Variants in LOXL2 observed in about 807,000 individuals in gnomAD.
LOXL2 encodes lysyl oxidase like 2.
Under a neutral mutation model 93.0 loss-of-function variants are expected in LOXL2, and 70 were observed. The ratio of observed to expected loss-of-function variants is 0.75; its 90% CI spans 0.62 to 0.92. The LOEUF is 0.92. LOXL2 is among the 40% of genes least tolerant of loss of function. LOXL2 has a pLI of 0.00. For missense variants in LOXL2, 973 were observed against 1,054.9 expected, an observed-to-expected ratio of 0.92 and a Z score of 1.08; for synonymous variants, 438 against 413.2, an observed-to-expected ratio of 1.06 and a Z score of -0.73.
At chr8:23,402,227 C>T (rs1043517719) in intron 1 of LOXL2, among the ~76,000 whole-genome samples, 1 of 145,472 alleles carries the variant, frequency 6.9e-6, no homozygotes, top group Non-Finnish European at 1.5e-5. Context: ...AAACACACAC[C>T]GGTGCACACA....
intron 3 of LOXL2, among the ~76,000 whole-genome samples, chr8:23,352,258 G>C (rs1343160868): frequency 6.6e-6 from 1 of 152,178 alleles, no homozygotes; most frequent in Non-Finnish European, 1.5e-5. Context: ...TTGTGCCCTT[G>C]CTGAAAAGTC....
At chr8:23,333,216 G>T (rs1218391548) in intron 5 of LOXL2, among the ~76,000 whole-genome samples, 185 bp downstream of exon 5, 3 of 152,118 alleles carry the variant, frequency 2.0e-5, no homozygotes, top group Admixed American at 1.3e-4. Context: ...TGATGCTGGG[G>T]TATTCTTCTC....
At chr8:23,352,775 T>A (rs1327189008) in intron 3 of LOXL2, among the ~76,000 whole-genome samples, 2 of 151,686 alleles carry the variant, frequency 1.3e-5, no homozygotes, top group East Asian at 3.9e-4. Context: ...TCCCCTTGGG[T>A]GGAAAGAAAT....
chr8:23,318,185 A>AG lies in LOXL2; in HGVS notation c.1471-1072_1471-1071insC, dbSNP rs1480657870. 5.6e-3 allele frequency among the ~76,000 whole-genome samples: 449 copies of AG among 79,956 alleles called. 11 individuals carry two copies. Among genetic ancestry groups the AG allele is most frequent in the Non-Finnish European group, 2.4e-3 (76 of 32,322 alleles). 52.5% of individuals were successfully genotyped at this position (79,956 alleles called of 152,430 possible). ...AGGATCTTAAGGGGTAAAAAAAAAA[A>AG]AAACCCAAAAAACCTGAGGCCTCCC... is the stretch of plus-strand genomic sequence containing the variant. On this transcript the variant is annotated intron_variant, in intron 8 of 13. Transcript: ENST00000389131.
chr8:23,322,861 A>G (rs1803517730), intron 6 of LOXL2, among the ~76,000 whole-genome samples: 1 of 152,204 alleles, frequency 6.6e-6, no homozygotes, highest in African/African-American at 2.4e-5. Flanking sequence ...TGAGGATTCA[A>G]AGATGGGTAA....
rs996030332 is a variant in LOXL2 at position 23,328,746 on chromosome 8, T to C, written c.967-181A>G. 77 of 601,192 alleles carry C rather than the reference T, an allele frequency of 1.3e-4. No individual in the cohort carries two copies. In the African/African-American group the frequency reaches 1.4e-3, roughly 11 times the overall value. The allele number at this position is 601,192 out of a possible 1,614,324, so 37.2% of individuals were successfully genotyped here. Reference sequence around the variant, plus strand: ...GTGTGTGTGTGTGTGTGTGTGTGTGTCGTGGGTGTGTTGGGGTGTGGGAGC... The same window carrying C: ...GTGTGTGTGTGTGTGTGTGTGTGTGCCGTGGGTGTGTTGGGGTGTGGGAGC... On this transcript the variant is annotated intron_variant, in intron 5 of 13. Coordinates refer to ENST00000389131, the MANE Select transcript of LOXL2 (RefSeq NM_002318.3).
chr8:23,392,634 C>T (rs1270337730), intron 1 of LOXL2, among the ~76,000 whole-genome samples: 2 of 152,196 alleles, frequency 1.3e-5, no homozygotes, highest in African/African-American at 4.8e-5. Flanking sequence ...TTTAGCATGA[C>T]ACAAACTAGC....
At chr8:23,299,613 G>A (rs767864524) in intron 12 of LOXL2, among the ~76,000 whole-genome samples, 11 of 152,194 alleles carry the variant, frequency 7.2e-5, no homozygotes, top group Non-Finnish European at 1.3e-4. Context: ...AAAAGGGGAG[G>A]TTTACGGTGA....
intron 4 of LOXL2, among the ~76,000 whole-genome samples, chr8:23,334,758 G>A (rs528678604): frequency 1.9e-4 from 21 of 113,508 alleles, no homozygotes; most frequent in African/African-American, 6.5e-4. Context: ...AGTTTCTCAT[G>A]TCCAAAATCA....
chr8:23,334,189 C>T (rs146386235), intron 4 of LOXL2, among the ~76,000 whole-genome samples: 26,666 of 152,166 alleles, frequency 0.18, 2,576 homozygotes, highest in South Asian at 0.29. Flanking sequence ...CAGGTACCTG[C>T]CACCACGCCC....
chr8:23,378,774 A>G (rs1401821788), intron 1 of LOXL2, among the ~76,000 whole-genome samples: 2 of 152,194 alleles, frequency 1.3e-5, no homozygotes, highest in Admixed American at 6.5e-5. Flanking sequence ...TTCTCGTGCC[A>G]TGGTTTTCAG....
At chr8:23,359,473 G>C (rs4637837) in intron 3 of LOXL2, among the ~76,000 whole-genome samples, 8,568 of 152,222 alleles carry the variant, frequency 0.056, 340 homozygotes, top group East Asian at 0.18. Flanking sequence ...GAGAAGAACA[G>C]AGGGCTGCAG....
At chr8:23,313,491 T>C (rs1406847730) in intron 9 of LOXL2, among the ~76,000 whole-genome samples, 73 of 151,786 alleles carry the variant, frequency 4.8e-4, no homozygotes, top group African/African-American at 1.3e-3. Flanking sequence ...GAAATAACGC[T>C]GCATATCTAC....
At chr8:23,308,990 ATT>A (rs67587130) in intron 10 of LOXL2, among the ~76,000 whole-genome samples, 1 of 136,734 alleles carries the variant, frequency 7.3e-6, no homozygotes, top group African/African-American at 2.8e-5. Context: ...ATATATATAT[ATT>A]TTTTTTTTTT....
chr8:23,385,932 T>C (rs1306617353), intron 1 of LOXL2: 3 of 765,298 alleles, frequency 3.9e-6, no homozygotes, highest in Non-Finnish European at 4.8e-6. Flanking sequence ...CGCATCTCAA[T>C]TCCAAGCAGC....
chr8:23,327,757 C>T (rs1045981947), intron 6 of LOXL2, among the ~76,000 whole-genome samples: 1 of 152,206 alleles, frequency 6.6e-6, no homozygotes. Context: ...GTGTCGTCTT[C>T]TAGCTGCAAC....
intron 5 of LOXL2, among the ~76,000 whole-genome samples, chr8:23,331,019 C>A (rs1803666966): frequency 6.6e-6 from 1 of 152,166 alleles, no homozygotes; most frequent in Non-Finnish European, 1.5e-5. Flanking sequence ...TCCCAGCATG[C>A]ATTTCACTCC....
chr8:23,357,463 ACTG>A (rs1160724833), intron 3 of LOXL2, among the ~76,000 whole-genome samples: 1 of 152,224 alleles, frequency 6.6e-6, no homozygotes, highest in Non-Finnish European at 1.5e-5. Context: ...AAGCATTGGA[ACTG>A]GCACTTAGTA....
At chr8:23,340,508 T>C (rs781700451) in intron 4 of LOXL2, among the ~76,000 whole-genome samples, 23 of 152,240 alleles carry the variant, frequency 1.5e-4, no homozygotes, top group Non-Finnish European at 2.9e-4. Context: ...TTGGATGAAG[T>C]GAACTGCACG....
Sources: allele counts gnomAD v4.1 joint callset (sites outside exome capture counted in the v4.1 genomes callset), GRCh38; gene constraint gnomAD v4.1.1; transcripts MANE v1.5; gene names NCBI Gene and HGNC (gene_info 2026-07-23, HGNC 2026-07-21).